CHODL: variants seen among roughly 807,000 people sequenced by gnomAD.
CHODL encodes chondrolectin.
CHODL carries 29 observed loss-of-function variants against 34.5 expected under a neutral mutation model. The observed-to-expected ratio is 0.84, with a 90% CI of 0.63 to 1.15. The LOEUF is 1.15. CHODL is among the 50% of genes most tolerant of loss of function. The pLI, the probability that CHODL is intolerant of heterozygous loss-of-function variation, is 0.00. For synonymous variants in CHODL, 125 were observed against 116.1 expected (o/e 1.08, Z -0.49); for missense variants, 332 against 332.5 (o/e 1.00, Z 0.01).
At chr21:18,095,400 A>C (rs531246327) in intron 2 of CHODL, among the ~76,000 whole-genome samples, 2 of 152,294 alleles carry the variant, frequency 1.3e-5, no homozygotes, top group East Asian at 3.9e-4. Context: ...ATATTTAAAA[A>C]AACTAAAAGA....
intron 2 of CHODL, among the ~76,000 whole-genome samples, chr21:18,189,405 C>T (rs765109282): frequency 3.9e-5 from 6 of 152,110 alleles, no homozygotes; most frequent in Non-Finnish European, 8.8e-5. Flanking sequence ...CTGGACATGA[C>T]AATTTCACTG....
At chr21:18,105,734 A>AAAG (rs2065265166) in intron 2 of CHODL, among the ~76,000 whole-genome samples, 1 of 152,196 alleles carries the variant, frequency 6.6e-6, no homozygotes, top group African/African-American at 2.4e-5. Context: ...TAATACAGAG[A>AAAG]AAGAAATACA....
intron 2 of CHODL, among the ~76,000 whole-genome samples, chr21:18,173,313 C>T (rs1352153578): frequency 6.6e-6 from 1 of 152,154 alleles, no homozygotes; most frequent in Non-Finnish European, 1.5e-5. Flanking sequence ...TTATAGGTCC[C>T]ATACATACTC....
chr21:18,007,508 T>C (rs1378366514), intron 1 of CHODL, among the ~76,000 whole-genome samples: 1 of 152,232 alleles, frequency 6.6e-6, no homozygotes, highest in Non-Finnish European at 1.5e-5. Flanking sequence ...CTATTACATC[T>C]TGAGGTTTTG....
chr21:18,262,969 A>T, intron 5 of CHODL, 76 bp downstream of exon 5: 1 of 797,072 alleles, frequency 1.3e-6, no homozygotes, highest in Non-Finnish European at 2.1e-6. Flanking sequence ...AACTATTAGC[A>T]TAAAGTTAAT....
At chr21:18,177,336 A>G (rs2073328463) in intron 2 of CHODL, among the ~76,000 whole-genome samples, 1 of 152,122 alleles carries the variant, frequency 6.6e-6, no homozygotes, top group African/African-American at 2.4e-5. Context: ...ACAGCAAATA[A>G]ACTGAATAAC....
At chr21:18,155,552 C>T (rs974729834) in intron 2 of CHODL, among the ~76,000 whole-genome samples, 24 of 152,232 alleles carry the variant, frequency 1.6e-4, no homozygotes, top group South Asian at 6.2e-4. Flanking sequence ...ACTCTCAACA[C>T]ATCTTCCAAG....
At chr21:18,157,755 A>T (rs527511350) in intron 2 of CHODL, among the ~76,000 whole-genome samples, 1 of 152,342 alleles carries the variant, frequency 6.6e-6, no homozygotes, top group South Asian at 2.1e-4. Flanking sequence ...TTATAGTAAC[A>T]CTATTTTGCT....
intron 2 of CHODL, among the ~76,000 whole-genome samples, chr21:18,091,950 T>A (rs1182160311): frequency 6.6e-6 from 1 of 152,086 alleles, no homozygotes; most frequent in Non-Finnish European, 1.5e-5. Context: ...GAGCAACTGG[T>A]AAATTGCGGA....
rs142371467 is a variant in CHODL at position 18,016,250 on chromosome 21, G to A, written c.-144-11622G>A. Among the ~76,000 whole-genome samples the A allele has an allele frequency of 4.9e-4, 74 of 152,324 alleles. 1 individual carries two copies. Among genetic ancestry groups the A allele is most frequent in the Non-Finnish European group, 9.0e-4 (61 of 68,028 alleles). On this transcript the variant is annotated intron_variant, in intron 1 of 6. Coordinates refer to the CHODL transcript ENST00000400127. ...CTGCTCTGTGCAGCCCTGGGACATG[G>A]CACCCTGCATCCTAGCTGCTTCAGC... is the stretch of plus-strand genomic sequence containing the variant.
In CHODL at chr21:17,918,871, A is replaced by G. The variant is rs143364002; in HGVS notation, c.-145+1471A>G. Among the ~76,000 whole-genome samples the G allele has an allele frequency of 7.9e-3, 1,211 of 152,342 alleles. 18 individuals are homozygous for G. Among genetic ancestry groups the G allele is most frequent in the African/African-American group, 0.027 (1,116 of 41,560 alleles). ...CAATGGCGGTACAGGAATTGGGTAA[A>G]TGCAGCCATTCCAAATGGGTGAAAT... On this transcript the variant is annotated intron_variant, in intron 1 of 6. Transcript: ENST00000400127.
chr21:18,145,812 GA>G (rs1196313638), intron 2 of CHODL, among the ~76,000 whole-genome samples: 2 of 152,160 alleles, frequency 1.3e-5, no homozygotes, highest in Admixed American at 6.5e-5. Context: ...TGATGACTGG[GA>G]AAGATTCAGA....
intron 2 of CHODL, among the ~76,000 whole-genome samples, chr21:18,128,271 A>T (rs2072602584): frequency 7.8e-6 from 1 of 128,606 alleles, no homozygotes. Flanking sequence ...ACTGCACTCC[A>T]GCCTGGGTGA....
intron 1 of CHODL, among the ~76,000 whole-genome samples, chr21:18,017,938 C>T (rs554616033): frequency 9.2e-5 from 14 of 152,336 alleles, no homozygotes; most frequent in African/African-American, 2.9e-4. Flanking sequence ...CACCACTGTG[C>T]CCTGGATGTG....
intron 2 of CHODL, among the ~76,000 whole-genome samples, chr21:18,030,431 C>G (rs1422378612): frequency 6.6e-6 from 1 of 152,074 alleles, no homozygotes; most frequent in Non-Finnish European, 1.5e-5. Context: ...TGTGAGAGAC[C>G]TTTTGTCAGA....
chr21:17,951,107 C>CATGTGTGT (rs1555841416), intron 1 of CHODL, among the ~76,000 whole-genome samples: 1 of 149,020 alleles, frequency 6.7e-6, no homozygotes, highest in Non-Finnish European at 1.5e-5. Flanking sequence ...TTACTCTATA[C>CATGTGTGT]GTGTGTGTGT....
intron 2 of CHODL, among the ~76,000 whole-genome samples, chr21:18,159,550 A>T (rs1038227357): frequency 6.6e-6 from 1 of 152,196 alleles, no homozygotes; most frequent in Non-Finnish European, 1.5e-5. Context: ...AAACAAGCTG[A>T]TGATTTTCGA....
chr21:18,208,145 T>A (rs1004001364), intron 2 of CHODL, among the ~76,000 whole-genome samples: 4 of 150,306 alleles, frequency 2.7e-5, no homozygotes, highest in Non-Finnish European at 5.9e-5. Flanking sequence ...TGCAGGTGTG[T>A]TTCATTCTTT....
chr21:18,230,097 G>A (rs758905703), intron 2 of CHODL, among the ~76,000 whole-genome samples: 9 of 152,066 alleles, frequency 5.9e-5, no homozygotes, highest in Non-Finnish European at 1.0e-4. Context: ...TGGAACTCAG[G>A]GGAAAAAAGT....
Sources: gnomAD v4.1 joint callset for allele counts (sites outside exome capture counted in the v4.1 genomes callset) on GRCh38, gnomAD v4.1.1 for gene constraint, MANE v1.5 for transcripts, NCBI Gene and HGNC (gene_info 2026-07-23, HGNC 2026-07-21) for gene names.